Variants in SS18L1 observed in about 807,000 individuals in gnomAD.
The protein encoded by SS18L1 is calcium-responsive transactivator.
In SS18L1, 32 loss-of-function variants were observed where a neutral mutation model predicts 70.3. That is an observed-to-expected ratio of 0.46 (90% confidence interval 0.34 to 0.61). SS18L1 has a LOEUF of 0.61. Among genes scored for constraint, SS18L1 ranks in the 20% least tolerant of loss-of-function variants. The pLI is 0.01. For missense variants in SS18L1, 430 were observed against 542.1 expected (o/e 0.79, Z 2.05); for synonymous variants, 237 against 229.7 (o/e 1.03, Z -0.29).
chr20:62,154,772 C>G (rs1313588552), intron 1 of SS18L1, among the ~76,000 whole-genome samples: 3 of 152,222 alleles, frequency 2.0e-5, no homozygotes, highest in African/African-American at 7.2e-5. Flanking sequence ...ATGCGTCCTT[C>G]AGCTCTGAGA....
intron 1 of SS18L1, among the ~76,000 whole-genome samples, chr20:62,155,092 G>C (rs2057198642): frequency 6.6e-6 from 1 of 152,156 alleles, no homozygotes; most frequent in Non-Finnish European, 1.5e-5. Flanking sequence ...TTAATAATAG[G>C]TTTTGTTGGA....
intron 8 of SS18L1, among the ~76,000 whole-genome samples, chr20:62,170,944 C>T (rs1394107585): frequency 1.3e-5 from 2 of 151,822 alleles, no homozygotes; most frequent in Non-Finnish European, 2.9e-5. Flanking sequence ...CTCTATCGCC[C>T]AGGCTGGAGT....
At chr20:62,143,910 G>A in intron 1 of SS18L1, 21 bp downstream of exon 1, 1 of 1,050,204 alleles carries the variant, frequency 9.5e-7, no homozygotes, top group Non-Finnish European at 1.2e-6. Context: ...CCGGAGCGGC[G>A]GCGCTGGGCG....
chr20:62,151,047 C>T (rs934881902), intron 1 of SS18L1, among the ~76,000 whole-genome samples: 4 of 152,194 alleles, frequency 2.6e-5, no homozygotes, highest in Non-Finnish European at 5.9e-5. Context: ...GAGCCAGCCC[C>T]GGCAGTGAGC....
chr20:62,152,682 A>G (rs968844235), intron 1 of SS18L1, among the ~76,000 whole-genome samples: 2 of 152,208 alleles, frequency 1.3e-5, no homozygotes, highest in African/African-American at 4.8e-5. Context: ...TTAGAGGTAC[A>G]CACCAGGTGG....
At chr20:62,153,545 C>T (rs905697326) in intron 1 of SS18L1, among the ~76,000 whole-genome samples, 5 of 152,076 alleles carry the variant, frequency 3.3e-5, no homozygotes, top group Non-Finnish European at 5.9e-5. Flanking sequence ...GTGGCTTTCT[C>T]GGGGGTTGGA....
Position 62,180,154 on chromosome 20 carries a change from T to C in SS18L1, c.*946T>C. 4.8e-6 allele frequency: 1 copy of C among 208,542 alleles called. No individual in the cohort carries two copies. Among genetic ancestry groups the C allele is most frequent in the African/African-American group, 2.3e-5 (1 of 44,050 alleles). 12.9% of individuals were successfully genotyped at this position (208,542 alleles called of 1,614,324 possible). A position where few individuals can be genotyped will look rare whatever the true frequency, so the allele number is the denominator to read the frequency against. ...AACAGTTGGCAAGTTGTTTATTTTA[T>C]ATTATTTCTTCCAGGACCTACTTGC... On this transcript the variant is annotated 3_prime_UTR_variant, in exon 11 of 11. Transcript: ENST00000331758.
At chr20:62,160,056 G>A (rs1408423896) in intron 3 of SS18L1, 95 bp downstream of exon 3, 5 of 1,328,440 alleles carry the variant, frequency 3.8e-6, no homozygotes, top group Non-Finnish European at 4.1e-6. Flanking sequence ...AGGTAGCAAA[G>A]ATGACTCAGA....
At chr20:62,156,057 C>T (rs573017635) in intron 1 of SS18L1, among the ~76,000 whole-genome samples, 9 of 144,700 alleles carry the variant, frequency 6.2e-5, no homozygotes, top group Non-Finnish European at 1.2e-4. Flanking sequence ...TGTGTTTCGT[C>T]GTGCTTCGTC....
intron 1 of SS18L1, among the ~76,000 whole-genome samples, chr20:62,154,847 G>A (rs958194574): frequency 1.3e-5 from 2 of 152,250 alleles, no homozygotes; most frequent in South Asian, 2.1e-4. Flanking sequence ...CTGGAGGGCC[G>A]CGCTGGCCCA....
chr20:62,181,172 T>C lies in SS18L1; in HGVS notation c.*1964T>C, dbSNP rs947034356. The C allele has an allele frequency of 4.6e-5, 9 of 196,158 alleles. No individual in the cohort carries two copies. The highest frequency in any genetic ancestry group is 2.1e-4 in the African/African-American group (9 of 43,244). The allele number at this position is 196,158 out of a possible 1,614,324, so 12.2% of individuals were successfully genotyped here. The stretch of plus-strand genomic sequence containing the variant: ...ACGCACAAATGGGGAGAGAAGTGTT[T>C]ATTTTGTAGGCACTAAGGGTTTCTA... On this transcript the variant is annotated 3_prime_UTR_variant, in exon 11 of 11. Coordinates refer to ENST00000331758, the MANE Select transcript of SS18L1 (RefSeq NM_198935.3).
chr20:62,167,374 C>T (rs1464688116), intron 8 of SS18L1, among the ~76,000 whole-genome samples: 1 of 147,570 alleles, frequency 6.8e-6, no homozygotes, highest in Non-Finnish European at 1.5e-5. Context: ...GCATGGGCAA[C>T]ATGGCAAAAC....
In SS18L1 at chr20:62,163,293, G is replaced by T. The variant is rs113139904; in HGVS notation, c.557-165G>T. On this transcript the variant is annotated intron_variant, in intron 5 of 10. Coordinates refer to ENST00000331758, the MANE Select transcript of SS18L1 (RefSeq NM_198935.3). ...GCGGGTCTGAGCTTGCAGGGCGTCA[G>T]TGCAGGCCACGTAGGGGAGGCGTGC... Among the ~76,000 whole-genome samples the T allele has an allele frequency of 0.057, 8,675 of 152,152 alleles. 822 individuals carry two copies. Among genetic ancestry groups the T allele is most frequent in the African/African-American group, 0.2 (8,188 of 41,454 alleles).
chr20:62,144,097 G>A (rs1389453463), intron 1 of SS18L1, among the ~76,000 whole-genome samples: 1 of 150,200 alleles, frequency 6.7e-6, no homozygotes, highest in Non-Finnish European at 1.5e-5. Flanking sequence ...GGCGGTCCCC[G>A]GAGAGCCTGC....
chr20:62,146,604 C>CTTTTTT (rs1339898731), intron 1 of SS18L1, among the ~76,000 whole-genome samples: 171 of 33,976 alleles, frequency 5.0e-3, no homozygotes, highest in South Asian at 0.038. Context: ...CTGCTTTGAT[C>CTTTTTT]ATTTTTTTTT....
chr20:62,160,757 T>C (rs534106378), intron 3 of SS18L1, among the ~76,000 whole-genome samples: 1 of 152,088 alleles, frequency 6.6e-6, no homozygotes, highest in African/African-American at 2.4e-5. Context: ...CGAGTAAAAA[T>C]GTTAAACCCA....
intron 8 of SS18L1, 121 bp from the exon 9 acceptor site, chr20:62,172,561 C>T (rs2145778995): frequency 1.4e-6 from 2 of 1,431,710 alleles, no homozygotes; most frequent in Non-Finnish European, 1.9e-6. Context: ...AAAAAATAAA[C>T]ATGCCGAAGC....
intron 9 of SS18L1, among the ~76,000 whole-genome samples, chr20:62,173,137 G>A (rs1355672799): frequency 6.6e-6 from 1 of 152,218 alleles, no homozygotes; most frequent in African/African-American, 2.4e-5. Flanking sequence ...GGCCTGTGAC[G>A]GGAGCCAGTG....
chr20:62,177,605 C>A (rs1352133359), intron 10 of SS18L1, among the ~76,000 whole-genome samples: 3 of 152,224 alleles, frequency 2.0e-5, no homozygotes, highest in Non-Finnish European at 4.4e-5. Context: ...TTGTCTTCCC[C>A]TGTGGCAGTC....
Sources: gnomAD v4.1 joint callset for allele counts (sites outside exome capture counted in the v4.1 genomes callset) on GRCh38, gnomAD v4.1.1 for gene constraint, MANE v1.5 for transcripts, NCBI Gene and HGNC (gene_info 2026-07-23, HGNC 2026-07-21) for gene names.